Variants in SCFD2 observed in about 807,000 individuals in gnomAD.
SCFD2 encodes sec1 family domain-containing protein 2.
SCFD2 carries 54 observed loss-of-function variants against 58.9 expected under a neutral mutation model. The observed-to-expected ratio is 0.92, with a 90% CI of 0.74 to 1.15. SCFD2 has a LOEUF of 1.15. Ranked by LOEUF, SCFD2 falls within the 50% of genes most tolerant of loss-of-function variation. SCFD2 has a pLI of 0.00. For synonymous variants in SCFD2, 321 were observed against 335.9 expected (o/e 0.96, Z 0.49); for missense variants, 805 against 836.6 (o/e 0.96, Z 0.47).
intron 3 of SCFD2, among the ~76,000 whole-genome samples, chr4:53,284,616 C>G (rs1462367895): frequency 6.6e-6 from 1 of 152,020 alleles, no homozygotes; most frequent in East Asian, 1.9e-4. Context: ...ATGCGTTCAA[C>G]AGATAAATAA....
At chr4:53,333,387 G>T (rs1156414588) in intron 2 of SCFD2, among the ~76,000 whole-genome samples, 1 of 137,584 alleles carries the variant, frequency 7.3e-6, no homozygotes, top group African/African-American at 2.8e-5. Context: ...GCATGGTACT[G>T]GTACCAAAAC....
At chr4:53,293,915 G>A (rs192021182) in intron 3 of SCFD2, among the ~76,000 whole-genome samples, 9 of 144,664 alleles carry the variant, frequency 6.2e-5, no homozygotes, top group Admixed American at 5.7e-4. Context: ...AGTGTGTGAT[G>A]TTCCCCTCCC....
chr4:53,107,535 T>A (rs1447948678), intron 5 of SCFD2, among the ~76,000 whole-genome samples: 2 of 151,392 alleles, frequency 1.3e-5, no homozygotes, highest in East Asian at 3.9e-4. Context: ...GAGGGATATT[T>A]AACAAACAAA....
At chr4:53,338,400 C>A (rs1005075185) in intron 2 of SCFD2, among the ~76,000 whole-genome samples, 7 of 151,790 alleles carry the variant, frequency 4.6e-5, no homozygotes, top group Non-Finnish European at 7.4e-5. Context: ...AGAATAAACC[C>A]AAGGAAATAT....
At position 52,895,175 on chromosome 4, in the gene SCFD2, C is replaced by T. The variant is rs77929936; in HGVS notation, c.1843-9309G>A. ...TTCTGCTCCTCATGCTCTTGATCCA[C>T]CTTTTTTTTTTATACTTTAAGTTTT... On this transcript the variant is annotated intron_variant, in intron 7 of 8. Coordinates refer to ENST00000401642, the MANE Select transcript of SCFD2 (RefSeq NM_152540.4). Among the ~76,000 whole-genome samples the T allele has an allele frequency of 1.1e-3, 162 of 151,776 alleles. 1 individual carries two copies. The highest frequency in any genetic ancestry group is 3.7e-3 in the African/African-American group (152 of 41,364).
intron 5 of SCFD2, among the ~76,000 whole-genome samples, chr4:53,064,458 A>C (rs1179280930): frequency 6.6e-6 from 1 of 152,172 alleles, no homozygotes; most frequent in African/African-American, 2.4e-5. Flanking sequence ...TTACTTGGGT[A>C]ACTGTCCTGA....
chr4:52,960,522 C>A (rs13123449), intron 5 of SCFD2, among the ~76,000 whole-genome samples: 15,720 of 152,062 alleles, frequency 0.1, 959 homozygotes, highest in East Asian at 0.27. Context: ...GCATACACCA[C>A]CATGCCCAGC....
chr4:53,041,163 A>G (rs1722888863), intron 5 of SCFD2, among the ~76,000 whole-genome samples: 1 of 152,162 alleles, frequency 6.6e-6, no homozygotes, highest in Non-Finnish European at 1.5e-5. Flanking sequence ...ATAATATGCT[A>G]ATTAAAAGGG....
Position 53,295,645 on chromosome 4 carries a change from T to G in SCFD2, c.1135+17991A>C, listed in dbSNP as rs536910055. 3.3e-5 allele frequency among the ~76,000 whole-genome samples: 5 copies of G among 152,302 alleles called. No homozygotes were observed. In the South Asian group the frequency reaches 1.0e-3, roughly 32 times the overall value. On this transcript the variant is annotated intron_variant, in intron 3 of 8. Coordinates refer to ENST00000401642, the MANE Select transcript of SCFD2 (RefSeq NM_152540.4). ...ACCTTTATTTCTTTCTCTTGCCTGA[T>G]TACCCTGATGAGAACTTCCAATACT...
chr4:53,363,015 G>C (rs1159329109), intron 1 of SCFD2, among the ~76,000 whole-genome samples: 13 of 152,196 alleles, frequency 8.5e-5, no homozygotes, highest in African/African-American at 3.1e-4. Context: ...TTAGAAGCGA[G>C]AAAAGTGAGT....
At chr4:53,212,576 G>A (rs1577847172) in intron 4 of SCFD2, among the ~76,000 whole-genome samples, 1 of 13,976 alleles carries the variant, frequency 7.2e-5, no homozygotes. Context: ...AAGTGAGCAC[G>A]TGTGTGTGTG....
chr4:53,135,568 C>T (rs573788918), intron 5 of SCFD2, among the ~76,000 whole-genome samples: 1 of 152,102 alleles, frequency 6.6e-6, no homozygotes, highest in South Asian at 2.1e-4. Flanking sequence ...TGGTGAAACC[C>T]CATCTCTACT....
At chr4:53,159,593 T>C in intron 4 of SCFD2, among the ~76,000 whole-genome samples, 1 of 152,220 alleles carries the variant, frequency 6.6e-6, no homozygotes, top group Non-Finnish European at 1.5e-5. Context: ...GGTAATCTAC[T>C]GACTAGTGGC....
intron 4 of SCFD2, among the ~76,000 whole-genome samples, chr4:53,217,777 GT>G (rs1188597993): frequency 9.7e-4 from 148 of 152,298 alleles, no homozygotes; most frequent in African/African-American, 3.4e-3. Flanking sequence ...GTAGTGGCTG[GT>G]AACGGTTGTT....
At chr4:53,017,774 C>T (rs1004010175) in intron 5 of SCFD2, among the ~76,000 whole-genome samples, 1 of 152,152 alleles carries the variant, frequency 6.6e-6, no homozygotes, top group African/African-American at 2.4e-5. Flanking sequence ...CCTTCTCCTC[C>T]CACTTGCTCA....
chr4:53,219,578 A>T (rs1728983996), intron 4 of SCFD2, among the ~76,000 whole-genome samples: 1 of 151,864 alleles, frequency 6.6e-6, no homozygotes, highest in African/African-American at 2.4e-5. Context: ...GACCCCTTGC[A>T]CTTCCTGGGT....
At chr4:53,172,814 T>C (rs2148938179) in intron 4 of SCFD2, among the ~76,000 whole-genome samples, 1 of 152,330 alleles carries the variant, frequency 6.6e-6, no homozygotes, top group South Asian at 2.1e-4. Context: ...GTGCATTCTG[T>C]TGCTGCTGCA....
chr4:53,104,796 T>G (rs1724937324), intron 5 of SCFD2, among the ~76,000 whole-genome samples: 1 of 152,232 alleles, frequency 6.6e-6, no homozygotes, highest in Non-Finnish European at 1.5e-5. Flanking sequence ...ACAGATGACC[T>G]GACGTTTCCT....
chr4:53,092,436 C>T (rs902178808), intron 5 of SCFD2, among the ~76,000 whole-genome samples: 2 of 152,110 alleles, frequency 1.3e-5, no homozygotes, highest in African/African-American at 4.8e-5. Context: ...CAATTACACT[C>T]TCATGCATTT....
Sources: allele counts gnomAD v4.1 joint callset (sites outside exome capture counted in the v4.1 genomes callset), GRCh38; gene constraint gnomAD v4.1.1; transcripts MANE v1.5; gene names NCBI Gene and HGNC (gene_info 2026-07-23, HGNC 2026-07-21).